Variants in SGCD observed in about 807,000 individuals in gnomAD.
SGCD encodes delta-sarcoglycan.
In SGCD, 18 loss-of-function variants were observed where a neutral mutation model predicts 36.6. The ratio of observed to expected loss-of-function variants is 0.49; its 90% CI spans 0.34 to 0.73. The LOEUF is 0.73. Among genes scored for constraint, SGCD ranks in the 30% least tolerant of loss-of-function variants. The probability of loss-of-function intolerance (pLI) is 0.01; values close to 1 mark genes in which losing one functional copy is unlikely to be tolerated. For missense variants in SGCD, 387 were observed against 346.7 expected (o/e 1.12, Z -0.92); for synonymous variants, 133 against 130.6 (o/e 1.02, Z -0.12).
chr5:156,689,721 G>T (rs1200240360), intron 7 of SGCD, among the ~76,000 whole-genome samples: 1 of 152,128 alleles, frequency 6.6e-6, no homozygotes, highest in Non-Finnish European at 1.5e-5. Context: ...GACTTGACAG[G>T]TAGGAGGCTC....
chr5:155,754,171 T>A, the SGCD span, among the ~76,000 whole-genome samples: 1 of 152,224 alleles, frequency 6.6e-6, no homozygotes, highest in Non-Finnish European at 1.5e-5. Context: ...GGCAGGGACC[T>A]GTGACCATGA....
chr5:155,746,897 T>C, the SGCD span, among the ~76,000 whole-genome samples: 3 of 152,196 alleles, frequency 2.0e-5, no homozygotes, highest in African/African-American at 7.2e-5. Flanking sequence ...ACAGGTTAAC[T>C]GCAGAGTCAG....
chr5:155,853,355 T>C, the SGCD span, among the ~76,000 whole-genome samples: 1 of 151,950 alleles, frequency 6.6e-6, no homozygotes, highest in Non-Finnish European at 1.5e-5. Flanking sequence ...TGGATTTGGA[T>C]CACAGTTTCT....
intron 7 of SGCD, among the ~76,000 whole-genome samples, chr5:156,648,345 G>A (rs936571891): frequency 1.3e-5 from 2 of 150,774 alleles, no homozygotes; most frequent in Non-Finnish European, 2.9e-5. Context: ...ACTGTTTCAT[G>A]ATAGACACCA....
chr5:156,278,255 A>G (rs1191838977), intron 3 of SGCD, among the ~76,000 whole-genome samples: 2 of 152,190 alleles, frequency 1.3e-5, no homozygotes, highest in Admixed American at 6.6e-5. Context: ...GTTTTGAACC[A>G]TGGTAAGAGC....
intron 1 of SGCD, among the ~76,000 whole-genome samples, chr5:155,911,022 C>T (rs559700841): frequency 8.5e-5 from 13 of 152,108 alleles, no homozygotes; most frequent in South Asian, 2.1e-4. Flanking sequence ...ATTTCAAAGA[C>T]GAGTAGGGTG....
At chr5:156,492,570 T>A (rs192793132) in intron 3 of SGCD, among the ~76,000 whole-genome samples, 148 of 152,292 alleles carry the variant, frequency 9.7e-4, no homozygotes, top group East Asian at 8.5e-3. Context: ...ATGATTTTTT[T>A]AAAAATTATT....
rs527366809 is a variant in SGCD at position 156,159,684 on chromosome 5, C to T, written c.-44+35665C>T. ...TTCATGAAATATAGAAAAGTATCTACAGGAAAATGAATCATTAATTTCCCA... is the reference window on the plus strand; with the variant it reads ...TTCATGAAATATAGAAAAGTATCTATAGGAAAATGAATCATTAATTTCCCA... On this transcript the variant is annotated intron_variant, in intron 3 of 9. Transcript: ENST00000517913. Among the ~76,000 whole-genome samples the T allele has an allele frequency of 2.8e-4, 42 of 151,664 alleles. 2 individuals carry two copies. Among genetic ancestry groups the T allele is most frequent in the African/African-American group, 9.5e-4 (39 of 41,078 alleles).
the SGCD span, among the ~76,000 whole-genome samples, chr5:155,775,703 C>T: frequency 1.3e-5 from 2 of 152,030 alleles, no homozygotes; most frequent in Non-Finnish European, 2.9e-5. Flanking sequence ...CATTTATTCA[C>T]TCATTCAGTC....
chr5:156,187,364 A>G (rs1282703059), intron 3 of SGCD, among the ~76,000 whole-genome samples: 1 of 152,090 alleles, frequency 6.6e-6, no homozygotes, highest in Non-Finnish European at 1.5e-5. Context: ...TTCTCAGTAA[A>G]GAGAATTGCT....
Position 156,178,280 on chromosome 5 carries a change from G to C in SGCD, c.-44+54261G>C, listed in dbSNP as rs75004833. 9.2e-3 allele frequency among the ~76,000 whole-genome samples: 1,394 copies of C among 152,144 alleles called. 14 individuals carry two copies. Among genetic ancestry groups the C allele is most frequent in the African/African-American group, 0.032 (1,341 of 41,510 alleles). ...TGTCTACCCTTTGTGTAACTGAATC[G>C]TAACTAAAGAGAATGCTGTTTTGAT... is the stretch of plus-strand genomic sequence containing the variant. On this transcript the variant is annotated intron_variant, in intron 3 of 9. Transcript: ENST00000517913.
intron 1 of SGCD, among the ~76,000 whole-genome samples, chr5:155,942,654 T>C (rs1013996572): frequency 6.6e-6 from 1 of 152,162 alleles, no homozygotes; most frequent in East Asian, 1.9e-4. Context: ...TAAAGTCAAG[T>C]GTTGGCTAAA....
intron 1 of SGCD, among the ~76,000 whole-genome samples, chr5:156,028,530 C>G (rs1759272051): frequency 1.3e-5 from 2 of 152,192 alleles, no homozygotes; most frequent in Non-Finnish European, 2.9e-5. Context: ...AATTAGCTAT[C>G]TTAATGCTCT....
intron 7 of SGCD, among the ~76,000 whole-genome samples, chr5:156,755,376 CAGAAGCAGTTAGAAAACTT>C (rs1211535705): frequency 6.6e-6 from 1 of 152,138 alleles, no homozygotes; most frequent in Admixed American, 6.5e-5. Context: ...TTAGTGGAAA[CAGAAGCAGTTAGAAAACTT>C]AGGATAAACT....
the SGCD span, among the ~76,000 whole-genome samples, chr5:155,800,458 G>A: frequency 1.3e-5 from 2 of 152,118 alleles, no homozygotes; most frequent in Admixed American, 1.3e-4. Flanking sequence ...AGGTTTTTGA[G>A]CTACTGACCT....
At chr5:156,221,396 A>G (rs918355786) in intron 3 of SGCD, among the ~76,000 whole-genome samples, 19 of 152,150 alleles carry the variant, frequency 1.2e-4, no homozygotes, top group Non-Finnish European at 2.4e-4. Context: ...AATATAGTTA[A>G]CAACATGAAC....
At chr5:156,299,524 A>G (rs956847915) in intron 3 of SGCD, among the ~76,000 whole-genome samples, 5 of 152,116 alleles carry the variant, frequency 3.3e-5, no homozygotes, top group African/African-American at 1.2e-4. Context: ...TGTTTTGGGT[A>G]GTATGGACAT....
At chr5:156,212,295 G>C (rs375203893) in intron 3 of SGCD, among the ~76,000 whole-genome samples, 28 of 152,306 alleles carry the variant, frequency 1.8e-4, no homozygotes, top group Middle Eastern at 6.8e-3. Flanking sequence ...CACATATAGA[G>C]TGAGAGTGAA....
At chr5:156,539,613 CAT>C (rs1216902767) in intron 4 of SGCD, among the ~76,000 whole-genome samples, 2 of 152,042 alleles carry the variant, frequency 1.3e-5, no homozygotes, top group African/African-American at 4.8e-5. Context: ...GGCTGAGTAG[CAT>C]TCCATGGTGT....
Sources: gnomAD v4.1 joint callset for allele counts (sites outside exome capture counted in the v4.1 genomes callset) on GRCh38, gnomAD v4.1.1 for gene constraint, MANE v1.5 for transcripts, NCBI Gene and HGNC (gene_info 2026-07-23, HGNC 2026-07-21) for gene names.